Variants in YPEL4 observed in about 807,000 individuals in gnomAD.
YPEL4 encodes the protein yippee like 4.
YPEL4 carries 5 observed loss-of-function variants against 16.3 expected under a neutral mutation model. The observed-to-expected ratio is 0.31, with a 90% CI of 0.16 to 0.64. YPEL4 has a LOEUF of 0.64. Among genes scored for constraint, YPEL4 ranks in the 30% least tolerant of loss-of-function variants. The probability of loss-of-function intolerance (pLI) is 0.79; values close to 1 mark genes in which losing one functional copy is unlikely to be tolerated. For missense variants in YPEL4, 127 were observed against 170.0 expected (o/e 0.75, Z 1.41); for synonymous variants, 61 against 60.7 (o/e 1.00, Z -0.02).
intron 3 of YPEL4, 82 bp downstream of exon 3, chr11:57,646,669 G>T: frequency 6.4e-7 from 1 of 1,570,262 alleles, no homozygotes; most frequent in Non-Finnish European, 8.7e-7. Flanking sequence ...TCACCTGATG[G>T]ATTCCCCCCT....
In YPEL4 at chr11:57,645,992, C is replaced by A. The variant is rs1188914991; in HGVS notation, c.373G>T (p.Gly125Cys). 6 of 1,614,134 alleles carry A rather than the reference C, an allele frequency of 3.7e-6. No homozygotes were observed. The East Asian group carries it at 1.1e-4, about 30-fold the overall frequency. ...CCTGCCTGAGCCCCTCAGTCCCAGC[C>A]GTTGTCCTTCACCATGTGTGACATT... is the stretch of plus-strand genomic sequence containing the variant. ...IEMSHMVKDN[G>C]WD is the part of the protein sequence containing the mutation. The change falls in exon 5 of 5, where the codon GGC becomes TGC. Residue 125 changes from glycine (G) to cysteine (C), a missense_variant. Transcript: ENST00000300022.
Position 57,645,882 on chromosome 11 carries a change from C to T in YPEL4, c.*99G>A. On this transcript the variant is annotated 3_prime_UTR_variant, in exon 5 of 5. Coordinates refer to ENST00000300022, the MANE Select transcript of YPEL4 (RefSeq NM_145008.3). ...GAGGGGTTGGTTGGAGCCAGGTTTCCCCCAGGGGTGGGGCAGTACTCATGC... is the reference window on the plus strand; with the variant it reads ...GAGGGGTTGGTTGGAGCCAGGTTTCTCCCAGGGGTGGGGCAGTACTCATGC... 1 of 1,262,320 alleles carries T rather than the reference C, an allele frequency of 7.9e-7. No individual in the cohort carries two copies. The highest frequency in any genetic ancestry group is 1.1e-6 in the Non-Finnish European group (1 of 898,934). 78.2% of individuals were successfully genotyped at this position (1,262,320 alleles called of 1,614,324 possible). A position where few individuals can be genotyped will look rare whatever the true frequency, so the allele number is the denominator to read the frequency against.
At position 57,645,897 on chromosome 11, in the gene YPEL4, A is replaced by G. The variant is rs1945725204; in HGVS notation, c.*84T>C. On this transcript the variant is annotated 3_prime_UTR_variant, in exon 5 of 5. Coordinates refer to ENST00000300022, the MANE Select transcript of YPEL4 (RefSeq NM_145008.3). ...GCCAGGTTTCCCCCAGGGGTGGGGC[A>G]GTACTCATGCTGGTATAGACTGCTT... 2.9e-6 allele frequency: 4 copies of G among 1,394,364 alleles called. No individual in the cohort carries two copies. The African/African-American group carries it at 4.2e-5, about 15-fold the overall frequency. The allele number at this position is 1,394,364 out of a possible 1,614,324, so 86.4% of individuals were successfully genotyped here.
chr11:57,645,885 C>A lies in YPEL4; in HGVS notation c.*96G>T, dbSNP rs911362148. On this transcript the variant is annotated 3_prime_UTR_variant, in exon 5 of 5. Transcript: ENST00000300022. ...GGGTTGGTTGGAGCCAGGTTTCCCC[C>A]AGGGGTGGGGCAGTACTCATGCTGG... The A allele has an allele frequency of 3.9e-6, 5 of 1,291,168 alleles. No homozygotes were observed. In the African/African-American group the frequency reaches 7.3e-5, roughly 19 times the overall value. The allele number at this position is 1,291,168 out of a possible 1,614,324, so 80.0% of individuals were successfully genotyped here. A position where few individuals can be genotyped will look rare whatever the true frequency, so the allele number is the denominator to read the frequency against.
At chr11:57,646,589 G>T in intron 3 of YPEL4, 162 bp downstream of exon 3, 1 of 1,239,808 alleles carries the variant, frequency 8.1e-7, no homozygotes, top group Non-Finnish European at 1.1e-6. Context: ...TTCTCCCCCG[G>T]CTCCCCATGT....
chr11:57,646,782 T>G lies in YPEL4; in HGVS notation c.154A>C (p.Ser52Arg). The change falls in exon 3 of 5, where the codon AGC (serine) becomes CGC (arginine). Residue 52 changes from serine to arginine, a missense_variant. Coordinates refer to ENST00000300022, the MANE Select transcript of YPEL4 (RefSeq NM_145008.3). ...DELISKSFQGSHGRAYLFNSV... is the reference protein window; with the variant it reads ...DELISKSFQGRHGRAYLFNSV... ...TTAAACAGGTAGGCTCGGCCATGGC[T>G]CCCTTGGAAGGACTGTGGAGACATA... The G allele has an allele frequency of 6.2e-7, 1 of 1,613,824 alleles. No individual in the cohort carries two copies. The highest frequency in any genetic ancestry group is 1.1e-5 in the South Asian group (1 of 91,008).
chr11:57,646,054 G>T lies in YPEL4; in HGVS notation c.311C>A (p.Thr104Lys). 1 of 1,614,072 alleles carries T rather than the reference G, an allele frequency of 6.2e-7. No homozygotes were observed. The highest frequency in any genetic ancestry group is 8.5e-7 in the Non-Finnish European group (1 of 1,180,028). Residue 104 changes from threonine (T) to lysine (K), a missense_variant, in exon 5 of 5, where the codon ACG becomes AAG. By Grantham distance (78) the Thr-to-Lys change is moderately conservative. Coordinates refer to ENST00000300022, the MANE Select transcript of YPEL4 (RefSeq NM_145008.3). ...TTTCCCTTCCTTGTACTTCTGGCTC[G>T]TCTCAAAAGCTTGCTCCTGGTGAAG... is the stretch of plus-strand genomic sequence containing the variant. ...LGWKYEQAFE[T>K]SQKYKEGKYI...
rs1007023322 is a variant in YPEL4, at chr11:57,647,172, C to T, written c.-65G>A. On this transcript the variant is annotated 5_prime_UTR_variant, in exon 2 of 5. Coordinates refer to ENST00000300022, the MANE Select transcript of YPEL4 (RefSeq NM_145008.3). The surrounding 1 kb of genome is among the most constrained non-coding windows in gnomAD (Gnocchi z 4.2). Reference sequence around the variant, plus strand: ...TGGCGCCGTGCAGCCCCCGCAGAGACGGTCGCAGGTGAAGCAGCGGAGCAG... The same window carrying T: ...TGGCGCCGTGCAGCCCCCGCAGAGATGGTCGCAGGTGAAGCAGCGGAGCAG... The T allele has an allele frequency of 1.1e-5, 17 of 1,481,372 alleles. No homozygotes were observed. Among genetic ancestry groups the T allele is most frequent in the African/African-American group, 1.4e-5 (1 of 70,232 alleles). 91.8% of individuals were successfully genotyped at this position (1,481,372 alleles called of 1,614,324 possible). A position where few individuals can be genotyped will look rare whatever the true frequency, so the allele number is the denominator to read the frequency against.
At chr11:57,646,216 A>G (rs1214100669) in intron 4 of YPEL4, 81 bp downstream of exon 4, 2 of 1,576,638 alleles carry the variant, frequency 1.3e-6, no homozygotes, top group Non-Finnish European at 1.7e-6. Context: ...CATGCAAGGA[A>G]GGACCTGACA....
rs2135346404 is a variant in YPEL4, at chr11:57,645,159, T to A, written c.*822A>T. The A allele has an allele frequency of 6.6e-6, 1 of 152,318 alleles. No homozygotes were observed. Among genetic ancestry groups the A allele is most frequent in the African/African-American group, 2.4e-5 (1 of 41,558 alleles). The allele number at this position is 152,318 out of a possible 1,614,324, so 9.4% of individuals were successfully genotyped here. ...TGTATCATACAAAAGTTTCATTCGC[T>A]GGTGGCAGCCACGGGAAAGACTGGC... On this transcript the variant is annotated 3_prime_UTR_variant, in exon 5 of 5. Coordinates refer to ENST00000300022, the MANE Select transcript of YPEL4 (RefSeq NM_145008.3).
chr11:57,646,777 A>G lies in YPEL4; in HGVS notation c.159T>C (p.His53=). The G allele has an allele frequency of 1.2e-6, 2 of 1,614,048 alleles. No homozygotes were observed. The highest frequency in any genetic ancestry group is 2.2e-5 in the East Asian group (1 of 44,868). The change falls in exon 3 of 5, where the codon CAT becomes CAC. Residue 53 remains histidine (H), a synonymous_variant. Transcript: ENST00000300022. ...ELISKSFQGS[H]GRAYLFNSVV... ...CGGAGTTAAACAGGTAGGCTCGGCC[A>G]TGGCTCCCTTGGAAGGACTGTGGAG... is the stretch of plus-strand genomic sequence containing the variant.
At position 57,646,089 on chromosome 11, in the gene YPEL4, G is replaced by C. The variant is rs768950686; in HGVS notation, c.295-19C>G. On this transcript the variant is annotated intron_variant, in intron 4 of 4. Transcript: ENST00000300022. ...CTTGCTCCTGGTGAAGGAGAAAGCA[G>C]TGATTGTAGGACAAAGCAGTTTCCT... The C allele has an allele frequency of 2.5e-6, 4 of 1,613,656 alleles. No individual in the cohort carries two copies. Among genetic ancestry groups the C allele is most frequent in the Non-Finnish European group, 2.5e-6 (3 of 1,179,766 alleles).
rs535017567 is a variant in YPEL4 at position 57,645,190 on chromosome 11, A to G, written c.*791T>C. On this transcript the variant is annotated 3_prime_UTR_variant, in exon 5 of 5. Transcript: ENST00000300022. ...CAGCCACGGGAAAGACTGGCCCCGT[A>G]GCACTGATTTTCCACCTCCCCTCCA... 9 of 152,354 alleles carry G rather than the reference A, an allele frequency of 5.9e-5. No homozygotes were observed. The highest frequency in any genetic ancestry group is 2.2e-4 in the African/African-American group (9 of 41,548). 9.4% of individuals were successfully genotyped at this position (152,354 alleles called of 1,614,324 possible). A position where few individuals can be genotyped will look rare whatever the true frequency, so the allele number is the denominator to read the frequency against.
In YPEL4 at chr11:57,647,795, G is replaced by A. The variant is rs2135349323; in HGVS notation, c.-184-504C>T. 1 of 152,446 alleles carries A rather than the reference G, an allele frequency of 6.6e-6. No homozygotes were observed. The highest frequency in any genetic ancestry group is 2.1e-4 in the South Asian group (1 of 4,814). The allele number at this position is 152,446 out of a possible 1,614,324, so 9.4% of individuals were successfully genotyped here. ...GAGGGGGGCAGGAGGTGTAAGGTGA[G>A]GGGAGGGAGAGCATGCAGGCAGGTA... On this transcript the variant is annotated intron_variant, in intron 1 of 4. Coordinates refer to ENST00000300022, the MANE Select transcript of YPEL4 (RefSeq NM_145008.3). The surrounding 1 kb of genome is among the most constrained non-coding windows in gnomAD (Gnocchi z 4.2).
chr11:57,646,552 C>A, intron 3 of YPEL4, 147 bp from the exon 4 acceptor site: 1 of 1,190,022 alleles, frequency 8.4e-7, no homozygotes, highest in Non-Finnish European at 1.2e-6. Flanking sequence ...GAGCCTGGGC[C>A]TTCTTTTTCC....
chr11:57,646,618 C>T, intron 3 of YPEL4, 133 bp downstream of exon 3: 1 of 1,375,056 alleles, frequency 7.3e-7, no homozygotes. Flanking sequence ...CAGATTGAGA[C>T]CCTCTTTGCA....
intron 1 of YPEL4, 161 bp downstream of exon 1, chr11:57,649,524 A>T (rs1003029114): frequency 6.6e-6 from 1 of 152,288 alleles, no homozygotes; most frequent in Non-Finnish European, 1.5e-5. Context: ...TTGGAGAGGG[A>T]TGGAGGAACC....
At chr11:57,646,819 G>T in intron 2 of YPEL4, 25 bp from the exon 3 acceptor site, 2 of 1,613,544 alleles carry the variant, frequency 1.2e-6, no homozygotes, top group South Asian at 1.1e-5. Context: ...GACAGACAAT[G>T]ACTACCAAGC....
At position 57,647,995 on chromosome 11, in the gene YPEL4, G is replaced by A. The variant is rs1220948665; in HGVS notation, c.-184-704C>T. ...AAGCACCTGCCTGTCTTCCCAGCCT[G>A]TGGGCCCCTTGGTCTTTCTCTCTCC... On this transcript the variant is annotated intron_variant, in intron 1 of 4. Coordinates refer to ENST00000300022, the MANE Select transcript of YPEL4 (RefSeq NM_145008.3). This position sits in a 1 kb window ranked among gnomAD's most constrained non-coding sequence, Gnocchi z 4.2. The A allele has an allele frequency of 6.6e-6, 1 of 152,230 alleles. No homozygotes were observed. The highest frequency in any genetic ancestry group is 2.4e-5 in the African/African-American group (1 of 41,430). The allele number at this position is 152,230 out of a possible 1,614,324, so 9.4% of individuals were successfully genotyped here.
Sources: allele counts gnomAD v4.1 joint callset, GRCh38; gene constraint gnomAD v4.1.1; non-coding constraint Gnocchi (gnomAD v3.1); transcripts MANE v1.5; gene names NCBI Gene and HGNC (gene_info 2026-07-23, HGNC 2026-07-21).